CTNND2: variants seen among roughly 807,000 people sequenced by gnomAD.
CTNND2 encodes catenin delta-2.
In CTNND2, 22 loss-of-function variants were observed where a neutral mutation model predicts 144.4. That is an observed-to-expected ratio of 0.15 (90% CI 0.11 to 0.22). The LOEUF is 0.22. CTNND2 is among the 10% of genes least tolerant of loss of function. The pLI is 1.00. For synonymous variants in CTNND2, 751 were observed against 695.6 expected (o/e 1.08, Z -1.25); for missense variants, 1,353 against 1,618.8 (o/e 0.84, Z 2.82).
At chr5:11,074,268 A>G (rs1212973466) in intron 16 of CTNND2, among the ~76,000 whole-genome samples, 1 of 152,178 alleles carries the variant, frequency 6.6e-6, no homozygotes, top group Non-Finnish European at 1.5e-5. Context: ...AAGAAAACAC[A>G]TGGGTATCTA....
chr5:11,862,539 C>T (rs2127028761), intron 1 of CTNND2, among the ~76,000 whole-genome samples: 1 of 152,264 alleles, frequency 6.6e-6, no homozygotes, highest in East Asian at 1.9e-4. Context: ...AAACTTGATG[C>T]ATTTCTTACC....
intron 1 of CTNND2, among the ~76,000 whole-genome samples, chr5:11,749,058 C>A (rs1371136828): frequency 6.6e-6 from 1 of 151,964 alleles, no homozygotes; most frequent in African/African-American, 2.4e-5. Flanking sequence ...AAACTAAAGC[C>A]TCCTACCAAC....
intron 3 of CTNND2, among the ~76,000 whole-genome samples, chr5:11,438,596 C>A (rs1374390807): frequency 1.3e-5 from 2 of 152,174 alleles, no homozygotes; most frequent in African/African-American, 4.8e-5. Flanking sequence ...ATGTAAGAAG[C>A]AGCAAATGAC....
chr5:11,730,206 T>A (rs971678406), intron 2 of CTNND2, among the ~76,000 whole-genome samples: 4 of 152,216 alleles, frequency 2.6e-5, no homozygotes, highest in Non-Finnish European at 5.9e-5. Context: ...CTGGACTTCC[T>A]CTCTTGTTTA....
chr5:11,423,239 A>G (rs1164968493), intron 3 of CTNND2, among the ~76,000 whole-genome samples: 1 of 152,220 alleles, frequency 6.6e-6, no homozygotes, highest in Non-Finnish European at 1.5e-5. Context: ...ATACTGCGGC[A>G]TTCTATATGC....
At chr5:11,646,887 A>G (rs1245848707) in intron 2 of CTNND2, among the ~76,000 whole-genome samples, 1 of 152,156 alleles carries the variant, frequency 6.6e-6, no homozygotes, top group Non-Finnish European at 1.5e-5. Flanking sequence ...CTGCTCAGGA[A>G]GCTGCTGACA....
chr5:11,693,634 T>G (rs1380492483), intron 2 of CTNND2, among the ~76,000 whole-genome samples: 1 of 152,352 alleles, frequency 6.6e-6, no homozygotes, highest in East Asian at 1.9e-4. Flanking sequence ...TTGTGTCTTT[T>G]GATCACTGGT....
At chr5:11,197,339 T>C (rs568417551) in intron 11 of CTNND2, among the ~76,000 whole-genome samples, 4 of 152,368 alleles carry the variant, frequency 2.6e-5, no homozygotes, top group Admixed American at 2.0e-4. Context: ...ACAACCACTG[T>C]CCATCTTAAC....
intron 8 of CTNND2, among the ~76,000 whole-genome samples, chr5:11,355,342 C>A: frequency 6.6e-6 from 1 of 151,886 alleles, no homozygotes; most frequent in African/African-American, 2.4e-5. Flanking sequence ...CCCAGGGATG[C>A]AAGAATTATT....
chr5:11,584,704 C>G (rs972815862), intron 2 of CTNND2, among the ~76,000 whole-genome samples: 3 of 152,094 alleles, frequency 2.0e-5, no homozygotes, highest in Non-Finnish European at 4.4e-5. Flanking sequence ...AAAATGCACC[C>G]ACTTTTGCTC....
chr5:11,887,397 A>G (rs1736635308), intron 1 of CTNND2, among the ~76,000 whole-genome samples: 1 of 152,172 alleles, frequency 6.6e-6, no homozygotes, highest in Admixed American at 6.5e-5. Context: ...CTATTTAATT[A>G]GAAATCAATT....
chr5:11,044,739 G>A (rs1283090827), intron 16 of CTNND2, among the ~76,000 whole-genome samples: 4 of 152,176 alleles, frequency 2.6e-5, no homozygotes, highest in Non-Finnish European at 5.9e-5. Flanking sequence ...GCAGAGTGGT[G>A]GACAGGGACA....
At chr5:11,017,752 G>A (rs963887559) in intron 18 of CTNND2, among the ~76,000 whole-genome samples, 1 of 151,916 alleles carries the variant, frequency 6.6e-6, no homozygotes, top group Non-Finnish European at 1.5e-5. Flanking sequence ...AGATGACTTA[G>A]GGTAAGACCC....
chr5:11,785,515 T>G (rs142397185), intron 1 of CTNND2, among the ~76,000 whole-genome samples: 18 of 152,230 alleles, frequency 1.2e-4, no homozygotes, highest in African/African-American at 3.6e-4. Flanking sequence ...GTATGTTCTA[T>G]CAAAATAAAT....
At chr5:11,520,060 T>A (rs1772577718) in intron 3 of CTNND2, among the ~76,000 whole-genome samples, 1 of 143,404 alleles carries the variant, frequency 7.0e-6, no homozygotes, top group African/African-American at 2.6e-5. Flanking sequence ...GGCAGGAGAA[T>A]CACTCGAACC....
intron 2 of CTNND2, among the ~76,000 whole-genome samples, chr5:11,566,639 T>C (rs567982522): frequency 1.3e-5 from 2 of 152,320 alleles, no homozygotes; most frequent in African/African-American, 4.8e-5. Context: ...AGTACTTTGA[T>C]TTGCTGCCCA....
rs34686102 is a variant in CTNND2 at position 11,771,192 on chromosome 5, C to CTTTTTTTTTTTTTTTT, written c.38-38936_38-38921dup. On this transcript the variant is annotated intron_variant, in intron 1 of 21. Transcript: ENST00000304623. ...CTCTATCATGAACCCACATTGTTAG[C>CTTTTTTTTTTTTTTTT]TTTTTTTTTTTTTTTTTGGGATGGA... 3.9e-5 allele frequency among the ~76,000 whole-genome samples: 4 copies of CTTTTTTTTTTTTTTTT among 103,778 alleles called. 1 individual carries two copies. Among genetic ancestry groups the CTTTTTTTTTTTTTTTT allele is most frequent in the Non-Finnish European group, 7.1e-5 (4 of 56,204 alleles). The allele number at this position is 103,778 out of a possible 152,430, so 68.1% of individuals were successfully genotyped here.
At chr5:11,218,249 T>C (rs962134430) in intron 10 of CTNND2, among the ~76,000 whole-genome samples, 2 of 152,190 alleles carry the variant, frequency 1.3e-5, no homozygotes, top group Non-Finnish European at 2.9e-5. Flanking sequence ...AGTTGACAAA[T>C]ATCCCTGATT....
At chr5:11,141,577 G>T (rs900849222) in intron 12 of CTNND2, among the ~76,000 whole-genome samples, 1 of 152,214 alleles carries the variant, frequency 6.6e-6, no homozygotes, top group East Asian at 1.9e-4. Context: ...GTTTGGATAT[G>T]CAAGAAGGCC....
Sources: gnomAD v4.1 joint callset for allele counts (sites outside exome capture counted in the v4.1 genomes callset) on GRCh38, gnomAD v4.1.1 for gene constraint, MANE v1.5 for transcripts, NCBI Gene and HGNC (gene_info 2026-07-23, HGNC 2026-07-21) for gene names.